The following SFTPD variants were observed in gnomAD, a reference collection of about 807,000 sequenced individuals.
SFTPD encodes surfactant protein D, also known as pulmonary surfactant-associated protein D.
In SFTPD, 18 loss-of-function variants were observed where a neutral mutation model predicts 34.6. The ratio of observed to expected loss-of-function variants is 0.52; its 90% CI spans 0.36 to 0.77. The LOEUF is 0.77. Among genes scored for constraint, SFTPD ranks in the 30% least tolerant of loss-of-function variants. The pLI, the probability that SFTPD is intolerant of heterozygous loss-of-function variation, is 0.00. For missense variants in SFTPD, 433 were observed against 468.9 expected (o/e 0.92, Z 0.71); for synonymous variants, 155 against 180.9 (o/e 0.86, Z 1.15).
chr10:79,973,534 C>T (rs35601120), intron 1 of SFTPD, among the ~76,000 whole-genome samples: 12,312 of 146,518 alleles, frequency 0.084, 520 homozygotes, highest in East Asian at 0.15. Flanking sequence ...AGGAGAACTG[C>T]TTGAACCTGG....
rs770940119 is a variant in SFTPD, at chr10:79,938,016, C to T, written c.964G>A (p.Gly322Ser). 29 of 1,613,860 alleles carry T rather than the reference C, an allele frequency of 1.8e-5. No individual in the cohort carries two copies. Among genetic ancestry groups the T allele is most frequent in the Non-Finnish European group, 2.5e-5 (29 of 1,179,800 alleles). ...FLSMTDSKTEGKFTYPTGESL... is the reference protein window; with the variant it reads ...FLSMTDSKTESKFTYPTGESL... The stretch of plus-strand genomic sequence containing the variant: ...TCTCCTGTGGGGTAGGTGAACTTGC[C>T]CTCTGTCTTGGAATCAGTCATGCTC... The change falls in exon 8 of 8, where the codon GGC becomes AGC. Residue 322 changes from glycine (G) to serine (S), a missense_variant. Physicochemically the swap from Gly to Ser is moderately conservative, Grantham distance 56. Coordinates refer to ENST00000372292, the MANE Select transcript of SFTPD (RefSeq NM_003019.5).
Position 79,982,299 on chromosome 10 carries a change from A to C in SFTPD, c.36+276T>G, listed in dbSNP as rs933150384. On this transcript the variant is annotated intron_variant, in intron 1 of 5. Coordinates refer to the SFTPD transcript ENST00000444384. The stretch of plus-strand genomic sequence containing the variant: ...GCCACCGCGGGGCGGTTCCCGGCTC[A>C]GGTGCCCAGTGGGCACCAGCCCAGC... 3.0e-6 allele frequency: 3 copies of C among 1,009,146 alleles called. No homozygotes were observed. The African/African-American group carries it at 5.1e-5, about 17-fold the overall frequency. The allele number at this position is 1,009,146 out of a possible 1,614,324, so 62.5% of individuals were successfully genotyped here.
chr10:79,951,868 A>T (rs551320539), upstream of SFTPD, among the ~76,000 whole-genome samples: 9 of 152,336 alleles, frequency 5.9e-5, no homozygotes, highest in East Asian at 1.7e-3. Context: ...AACCCCAATT[A>T]TGAGCAGAAG....
At chr10:79,972,901 A>G (rs1251485337) in intron 1 of SFTPD, 1 of 152,172 alleles carries the variant, frequency 6.6e-6, no homozygotes, top group Non-Finnish European at 1.5e-5. Flanking sequence ...CTGTGAATTC[A>G]TGACAAGGAG....
At chr10:79,940,866 G>T in intron 6 of SFTPD, 78 bp from the exon 7 acceptor site, 1 of 955,438 alleles carries the variant, frequency 1.0e-6, no homozygotes, top group South Asian at 1.3e-5. Context: ...CCCAAAGGAA[G>T]GGTGTCTAGT....
At chr10:79,982,153 G>A (rs1405534265) in intron 1 of SFTPD, 4 of 387,430 alleles carry the variant, frequency 1.0e-5, no homozygotes, top group African/African-American at 6.4e-5. Flanking sequence ...GCGCCTGGCG[G>A]GGCAGGGCGG....
Position 79,945,748 on chromosome 10 carries a change from A to T in SFTPD, c.199+713T>A, listed in dbSNP as rs140491355. On this transcript the variant is annotated intron_variant, in intron 2 of 7. Transcript: ENST00000372292. ...GTAGATATCATTCCCATTACCAGATAAAAAAAACAGACTCAGTGACACTGA... is the reference window on the plus strand; with the variant it reads ...GTAGATATCATTCCCATTACCAGATTAAAAAAACAGACTCAGTGACACTGA... Among the ~76,000 whole-genome samples, 684 of 152,094 alleles carry T rather than the reference A, an allele frequency of 4.5e-3. 7 individuals are homozygous for T. Among genetic ancestry groups the T allele is most frequent in the South Asian group, 0.018 (85 of 4,802 alleles).
chr10:79,953,128 C>G (rs1842720179), upstream of SFTPD, among the ~76,000 whole-genome samples: 3 of 152,218 alleles, frequency 2.0e-5, no homozygotes, highest in Non-Finnish European at 4.4e-5. Flanking sequence ...AATTTTGGTT[C>G]TTTGTTCTGA....
At chr10:79,982,181 A>G in intron 1 of SFTPD, 1 of 448,348 alleles carries the variant, frequency 2.2e-6, no homozygotes, top group Non-Finnish European at 3.6e-6. Context: ...CACCAAGCAG[A>G]GGAGCCGCAC....
intron 1 of SFTPD, chr10:79,982,182 G>A (rs1340331767): frequency 8.8e-6 from 4 of 452,104 alleles, no homozygotes; most frequent in East Asian, 4.4e-5. Flanking sequence ...ACCAAGCAGA[G>A]GAGCCGCACG....
chr10:79,942,381 C>T lies in SFTPD; in HGVS notation c.433+7G>A, dbSNP rs1842622178. On this transcript the variant is annotated splice_region_variant and intron_variant, in intron 4 of 7. Coordinates refer to ENST00000372292, the MANE Select transcript of SFTPD (RefSeq NM_003019.5). ...CTTCTCAGACTGGCCACAGACCAGC[C>T]ACCTACCTTTGGGCCCAGCTTCTCC... The T allele has an allele frequency of 2.5e-6, 4 of 1,587,700 alleles. No homozygotes were observed. Among genetic ancestry groups the T allele is most frequent in the African/African-American group, 2.7e-5 (2 of 74,364 alleles).
chr10:79,965,722 T>C (rs1589341709), intron 1 of SFTPD, among the ~76,000 whole-genome samples: 2 of 81,256 alleles, frequency 2.5e-5, no homozygotes, highest in African/African-American at 5.7e-5. Context: ...CCCAATGCTA[T>C]CCCTCCCCCC....
chr10:79,973,878 GT>G (rs749530976), intron 1 of SFTPD, among the ~76,000 whole-genome samples: 2 of 152,134 alleles, frequency 1.3e-5, no homozygotes, highest in Non-Finnish European at 2.9e-5. Context: ...ATGCCAAAGG[GT>G]TTCTTTGGTT....
chr10:79,973,136 T>G (rs1361404771), intron 1 of SFTPD: 1 of 152,262 alleles, frequency 6.6e-6, no homozygotes, highest in Non-Finnish European at 1.5e-5. Flanking sequence ...ATTCCCACTT[T>G]GTTAGCATTT....
intron 1 of SFTPD, among the ~76,000 whole-genome samples, chr10:79,975,724 T>TA (rs1564536318): frequency 6.6e-6 from 1 of 152,284 alleles, no homozygotes; most frequent in East Asian, 1.9e-4. Context: ...AACCACGTAT[T>TA]TATTAACAGC....
At chr10:79,955,752 T>C (rs1842735003) in intron 1 of SFTPD, among the ~76,000 whole-genome samples, 1 of 152,234 alleles carries the variant, frequency 6.6e-6, no homozygotes, top group African/African-American at 2.4e-5. Context: ...ATGAGAATTC[T>C]AGGCACTTTA....
At chr10:79,973,444 C>T (rs1842846733) in intron 1 of SFTPD, among the ~76,000 whole-genome samples, 1 of 151,682 alleles carries the variant, frequency 6.6e-6, no homozygotes, top group South Asian at 2.1e-4. Flanking sequence ...ATGGTGAAAC[C>T]CCATCTCTAC....
chr10:79,937,954 G>C lies in SFTPD; in HGVS notation c.1026C>G (p.Pro342=). The C allele has an allele frequency of 6.2e-7, 1 of 1,613,186 alleles. No individual in the cohort carries two copies. Among genetic ancestry groups the C allele is most frequent in the Non-Finnish European group, 8.5e-7 (1 of 1,179,382 alleles). The part of the protein sequence containing the change: ...LVYSNWAPGE[P]NDDGGSEDCV... ...AGTCCTCTGACCCGCCATCATCGTT[G>C]GGCTCCCCTGGGGCCCAGTTGGAAT... The change falls in exon 8 of 8, where the codon CCC becomes CCG. Residue 342 remains proline, a synonymous_variant. Transcript: ENST00000372292.
At chr10:79,973,426 T>G (rs1260454352) in intron 1 of SFTPD, among the ~76,000 whole-genome samples, 2 of 151,782 alleles carry the variant, frequency 1.3e-5, no homozygotes, top group Admixed American at 1.3e-4. Context: ...AAGACCAGCC[T>G]GGCCAACATG....
Sources: gnomAD v4.1 joint callset for allele counts (sites outside exome capture counted in the v4.1 genomes callset) on GRCh38, gnomAD v4.1.1 for gene constraint, MANE v1.5 for transcripts, NCBI Gene and HGNC (gene_info 2026-07-23, HGNC 2026-07-21) for gene names.